The following EFCAB11 variants were observed in gnomAD, a reference collection of about 807,000 sequenced individuals.
EFCAB11 encodes the protein EF-hand calcium-binding domain-containing protein 11.
Under a neutral mutation model 23.0 loss-of-function variants are expected in EFCAB11, and 14 were observed. That is an observed-to-expected ratio of 0.61 (90% CI 0.40 to 0.95). EFCAB11 has a LOEUF of 0.95. Ranked by LOEUF, EFCAB11 falls within the 40% of genes least tolerant of loss-of-function variation. The probability of loss-of-function intolerance (pLI) is 0.00; values close to 1 mark genes in which losing one functional copy is unlikely to be tolerated. For synonymous variants in EFCAB11, 65 were observed against 66.6 expected (o/e 0.98, Z 0.11); for missense variants, 198 against 195.8 (o/e 1.01, Z -0.07).
At position 89,796,890 on chromosome 14, in the gene EFCAB11, T is replaced by A; in HGVS notation, c.*353A>T. ...AGGAGGAGGAGGACCACCAGTGCCA[T>A]CCCTAGCCCCAGCTCTAGCAATGGC... On this transcript the variant is annotated 3_prime_UTR_variant, in exon 6 of 6. Transcript: ENST00000316738. The A allele has an allele frequency of 5.4e-6, 1 of 186,544 alleles. No homozygotes were observed. The highest frequency in any genetic ancestry group is 1.1e-4 in the South Asian group (1 of 9,096). The allele number at this position is 186,544 out of a possible 1,614,324, so 11.6% of individuals were successfully genotyped here.
chr14:89,806,414 C>T (rs1450555727), intron 5 of EFCAB11, among the ~76,000 whole-genome samples: 1 of 152,066 alleles, frequency 6.6e-6, no homozygotes, highest in African/African-American at 2.4e-5. Flanking sequence ...AACAGAGCTG[C>T]TAATAAACAG....
At chr14:89,871,782 C>A (rs1888278556) in intron 5 of EFCAB11, among the ~76,000 whole-genome samples, 1 of 152,226 alleles carries the variant, frequency 6.6e-6, no homozygotes, top group African/African-American at 2.4e-5. Flanking sequence ...TTCCCCCTGA[C>A]TCCATCAGAT....
intron 5 of EFCAB11, among the ~76,000 whole-genome samples, chr14:89,845,132 A>G (rs879341972): frequency 1.3e-5 from 2 of 152,228 alleles, no homozygotes; most frequent in African/African-American, 4.8e-5. Context: ...TCATTTGGTT[A>G]ATAAACATAA....
chr14:89,819,224 C>T (rs553259104), intron 5 of EFCAB11, among the ~76,000 whole-genome samples: 28 of 152,244 alleles, frequency 1.8e-4, no homozygotes, highest in African/African-American at 6.3e-4. Flanking sequence ...AAAATAATTA[C>T]ACAGGGTCAA....
At chr14:89,861,264 G>C (rs1245610049) in intron 5 of EFCAB11, among the ~76,000 whole-genome samples, 3 of 152,064 alleles carry the variant, frequency 2.0e-5, no homozygotes, top group African/African-American at 7.2e-5. Context: ...TCCATCCTTG[G>C]AACTAACCTT....
intron 5 of EFCAB11, among the ~76,000 whole-genome samples, chr14:89,926,848 A>G (rs57584574): frequency 0.19 from 28,720 of 152,166 alleles, 3,158 homozygotes; most frequent in South Asian, 0.32. Flanking sequence ...CTTCAGCTAA[A>G]CAGAAACCAT....
chr14:89,807,122 G>A (rs553774954), intron 5 of EFCAB11, among the ~76,000 whole-genome samples: 2 of 152,322 alleles, frequency 1.3e-5, no homozygotes, highest in South Asian at 2.1e-4. Flanking sequence ...AAATGGGACA[G>A]AGATGGCAAT....
chr14:89,832,483 G>A lies in EFCAB11; in HGVS notation c.411-35159C>T, dbSNP rs1395271877. ...ACCACTCCTCATGATTTCGCATGAC[G>A]CCTATGTCGCACATGTATGTTTCTG... On this transcript the variant is annotated intron_variant, in intron 5 of 5. Transcript: ENST00000316738. Among the ~76,000 whole-genome samples, 5 of 152,108 alleles carry A rather than the reference G, an allele frequency of 3.3e-5. No homozygotes were observed. The South Asian group carries it at 8.3e-4, about 25-fold the overall frequency.
At chr14:89,857,746 A>G (rs1428350999) in intron 5 of EFCAB11, among the ~76,000 whole-genome samples, 1 of 152,234 alleles carries the variant, frequency 6.6e-6, no homozygotes, top group Admixed American at 6.5e-5. Flanking sequence ...AAGGCTTCTC[A>G]GAAACAATAA....
chr14:89,900,912 A>G (rs11852044), intron 5 of EFCAB11, among the ~76,000 whole-genome samples: 20,894 of 152,200 alleles, frequency 0.14, 1,657 homozygotes, highest in South Asian at 0.25. Flanking sequence ...AACGTCTTAT[A>G]AATCACTGGA....
chr14:89,896,467 A>T (rs1889164089), intron 5 of EFCAB11, among the ~76,000 whole-genome samples: 1 of 152,154 alleles, frequency 6.6e-6, no homozygotes, highest in Non-Finnish European at 1.5e-5. Flanking sequence ...ATGTAAATTG[A>T]TATGAATTAT....
intron 5 of EFCAB11, among the ~76,000 whole-genome samples, chr14:89,801,041 GAA>G (rs1197084827): frequency 1.2e-4 from 7 of 58,494 alleles, no homozygotes; most frequent in African/African-American, 2.4e-4. Context: ...CCTCAAAAAA[GAA>G]AAAAAAAAAA....
chr14:89,913,048 C>A (rs964643593), intron 5 of EFCAB11, among the ~76,000 whole-genome samples: 1 of 152,168 alleles, frequency 6.6e-6, no homozygotes, highest in Non-Finnish European at 1.5e-5. Flanking sequence ...AATACACCTG[C>A]GGCATATGAT....
At chr14:89,831,694 CT>C (rs1430590259) in intron 5 of EFCAB11, among the ~76,000 whole-genome samples, 1 of 152,098 alleles carries the variant, frequency 6.6e-6, no homozygotes, top group Non-Finnish European at 1.5e-5. Context: ...AAAAATCGTA[CT>C]TTATTTCTAT....
chr14:89,938,464 G>A (rs965078237), intron 3 of EFCAB11, among the ~76,000 whole-genome samples: 4 of 152,152 alleles, frequency 2.6e-5, no homozygotes, highest in Admixed American at 2.6e-4. Context: ...AGGATGGTAG[G>A]TGAAAGTGAC....
At chr14:89,841,232 G>T (rs1887252580) in intron 5 of EFCAB11, among the ~76,000 whole-genome samples, 1 of 152,048 alleles carries the variant, frequency 6.6e-6, no homozygotes, top group Non-Finnish European at 1.5e-5. Flanking sequence ...TGGAGACATG[G>T]CTTCTCTCCA....
chr14:89,834,649 G>A (rs1186339577), intron 5 of EFCAB11, among the ~76,000 whole-genome samples: 1 of 152,174 alleles, frequency 6.6e-6, no homozygotes, highest in Non-Finnish European at 1.5e-5. Context: ...TAGAAGGTAG[G>A]CTCAAGAGTG....
chr14:89,873,286 T>C (rs1317903375), intron 5 of EFCAB11, among the ~76,000 whole-genome samples: 3 of 151,992 alleles, frequency 2.0e-5, no homozygotes, highest in Non-Finnish European at 4.4e-5. Flanking sequence ...AAGAACAATA[T>C]GGGAAAAACC....
intron 5 of EFCAB11, among the ~76,000 whole-genome samples, chr14:89,798,459 T>C (rs1885650398): frequency 6.6e-6 from 1 of 152,256 alleles, no homozygotes; most frequent in African/African-American, 2.4e-5. Flanking sequence ...ATAATCAGTA[T>C]CACGTTACTA....
Sources: allele counts gnomAD v4.1 joint callset (sites outside exome capture counted in the v4.1 genomes callset), GRCh38; gene constraint gnomAD v4.1.1; transcripts MANE v1.5; gene names NCBI Gene and HGNC (gene_info 2026-07-23, HGNC 2026-07-21).